Variants in CADPS2 observed in about 807,000 individuals in gnomAD.
CADPS2 encodes calcium dependent secretion activator 2.
In CADPS2, 93 loss-of-function variants were observed where a neutral mutation model predicts 172.5. The observed-to-expected ratio is 0.54, with a 90% CI of 0.46 to 0.64. The LOEUF (loss-of-function observed/expected upper bound fraction) is 0.64, where lower values mean the gene tolerates loss of function less well. Ranked by LOEUF, CADPS2 falls within the 30% of genes least tolerant of loss-of-function variation. The probability of loss-of-function intolerance (pLI) is 0.00; values close to 1 mark genes in which losing one functional copy is unlikely to be tolerated. For missense variants in CADPS2, 1,420 were observed against 1,565.9 expected (o/e 0.91, Z 1.57); for synonymous variants, 546 against 555.2 (o/e 0.98, Z 0.23).
intron 2 of CADPS2, among the ~76,000 whole-genome samples, chr7:122,688,768 C>CA (rs57152656): frequency 1.5e-4 from 23 of 151,746 alleles, no homozygotes; most frequent in Non-Finnish European, 2.8e-4. Context: ...GTTGTGGTAA[C>CA]GGGGAGTTAT....
At chr7:122,573,746 C>A (rs999635134) in intron 7 of CADPS2, among the ~76,000 whole-genome samples, 9 of 152,076 alleles carry the variant, frequency 5.9e-5, no homozygotes, top group Non-Finnish European at 1.3e-4. Context: ...AGTGCACTGG[C>A]AGCCAGATAG....
intron 7 of CADPS2, among the ~76,000 whole-genome samples, chr7:122,566,015 A>G (rs1264798472): frequency 1.3e-5 from 2 of 152,118 alleles, no homozygotes; most frequent in African/African-American, 4.8e-5. Flanking sequence ...TAGATTCTAC[A>G]TGTAAGTGAC....
At chr7:122,690,997 T>C (rs565109916) in intron 2 of CADPS2, among the ~76,000 whole-genome samples, 34 of 152,212 alleles carry the variant, frequency 2.2e-4, no homozygotes, top group Non-Finnish European at 4.1e-4. Flanking sequence ...TCCGGCCCCA[T>C]GGCCTTATCT....
At chr7:122,512,781 T>C (rs1020542168) in intron 9 of CADPS2, among the ~76,000 whole-genome samples, 2 of 152,150 alleles carry the variant, frequency 1.3e-5, no homozygotes, top group African/African-American at 2.4e-5. Flanking sequence ...ATGCAGTGGT[T>C]CTCAAGGTAT....
chr7:122,839,583 G>GA (rs1291293410), intron 1 of CADPS2, among the ~76,000 whole-genome samples: 2 of 151,924 alleles, frequency 1.3e-5, no homozygotes, highest in South Asian at 2.1e-4. Context: ...AAATTTACAG[G>GA]AAAAAAACAA....
chr7:122,859,925 C>T (rs1413957721), intron 1 of CADPS2, among the ~76,000 whole-genome samples: 1 of 152,052 alleles, frequency 6.6e-6, no homozygotes, highest in Non-Finnish European at 1.5e-5. Flanking sequence ...TAATGATTCT[C>T]CAGAGCAAAC....
chr7:122,445,356 TTTTC>T (rs1426602673), intron 15 of CADPS2, among the ~76,000 whole-genome samples: 5 of 152,098 alleles, frequency 3.3e-5, no homozygotes, highest in South Asian at 2.1e-4. Context: ...TCTATTTAGG[TTTTC>T]TTTAATTTTT....
chr7:122,591,865 A>G (rs898265745), intron 6 of CADPS2, among the ~76,000 whole-genome samples: 3 of 152,220 alleles, frequency 2.0e-5, no homozygotes, highest in Non-Finnish European at 4.4e-5. Flanking sequence ...CAAATGTCAG[A>G]CCTAAAACCA....
intron 28 of CADPS2, among the ~76,000 whole-genome samples, chr7:122,338,228 C>G (rs889038981): frequency 2.8e-4 from 43 of 152,146 alleles, no homozygotes; most frequent in African/African-American, 1.0e-3. Flanking sequence ...GAAACCCTGT[C>G]TCCACTAAAG....
chr7:122,541,041 T>C (rs1291922823), intron 8 of CADPS2, among the ~76,000 whole-genome samples: 10 of 152,084 alleles, frequency 6.6e-5, no homozygotes, highest in African/African-American at 2.4e-4. Flanking sequence ...CTAAAATTAC[T>C]GTAAATTGAG....
intron 1 of CADPS2, among the ~76,000 whole-genome samples, chr7:122,842,837 A>C (rs530793260): frequency 2.6e-5 from 4 of 152,186 alleles, no homozygotes; most frequent in African/African-American, 9.7e-5. Flanking sequence ...CCTTGCCTAC[A>C]CTATCCACTA....
intron 2 of CADPS2, among the ~76,000 whole-genome samples, chr7:122,683,770 GT>G (rs1564057435): frequency 1.3e-5 from 2 of 151,512 alleles, no homozygotes; most frequent in African/African-American, 2.4e-5. Context: ...CAGATTCCCA[GT>G]TGGGGCTGCT....
intron 6 of CADPS2, among the ~76,000 whole-genome samples, chr7:122,606,117 C>T (rs904147123): frequency 1.3e-5 from 2 of 152,160 alleles, no homozygotes; most frequent in African/African-American, 4.8e-5. Context: ...TTGATTACAT[C>T]ATCAATCAAT....
chr7:122,839,901 A>G (rs1000139665), intron 1 of CADPS2, among the ~76,000 whole-genome samples: 16 of 152,312 alleles, frequency 1.1e-4, no homozygotes, highest in Admixed American at 3.3e-4. Flanking sequence ...AACTAGAAAT[A>G]CCATTTGACC....
At chr7:122,794,321 C>T (rs554833235) in intron 1 of CADPS2, among the ~76,000 whole-genome samples, 8 of 151,980 alleles carry the variant, frequency 5.3e-5, no homozygotes, top group African/African-American at 1.9e-4. Flanking sequence ...TTTCTGTACT[C>T]TTGTCTAATT....
At chr7:122,837,613 C>T (rs1308838501) in intron 1 of CADPS2, among the ~76,000 whole-genome samples, 1 of 152,174 alleles carries the variant, frequency 6.6e-6, no homozygotes, top group Non-Finnish European at 1.5e-5. Flanking sequence ...ACCGATCCCA[C>T]AGAAATACAA....
At chr7:122,647,614 T>G (rs531850119) in intron 3 of CADPS2, among the ~76,000 whole-genome samples, 1 of 152,206 alleles carries the variant, frequency 6.6e-6, no homozygotes, top group Non-Finnish European at 1.5e-5. Context: ...AACTTTTTTC[T>G]AGTTTAAAGC....
intron 2 of CADPS2, among the ~76,000 whole-genome samples, chr7:122,677,673 A>G (rs142637492): frequency 1.8e-3 from 280 of 152,342 alleles, no homozygotes; most frequent in African/African-American, 6.0e-3. Flanking sequence ...TAAAAACCCA[A>G]AAAGCATACA....
Position 122,615,301 on chromosome 7 carries a change from TA to T in CADPS2, c.1105-3del. The T allele has an allele frequency of 6.6e-7, 1 of 1,515,800 alleles. No homozygotes were observed. The highest frequency in any genetic ancestry group is 8.9e-7 in the Non-Finnish European group (1 of 1,117,496). 93.9% of individuals were successfully genotyped at this position (1,515,800 alleles called of 1,614,324 possible). ...GCCTTGCACTTCCATTATGACAATC[TA>T]AAGATAAAATGATTTTAAAATAATG... On this transcript the variant is annotated splice_polypyrimidine_tract_variant and splice_region_variant and intron_variant, in intron 5 of 29. Coordinates refer to ENST00000449022, the MANE Select transcript of CADPS2 (RefSeq NM_017954.11).
Sources: allele counts gnomAD v4.1 joint callset (sites outside exome capture counted in the v4.1 genomes callset), GRCh38; gene constraint gnomAD v4.1.1; transcripts MANE v1.5; gene names NCBI Gene and HGNC (gene_info 2026-07-23, HGNC 2026-07-21).